The following PCM1 variants were observed in gnomAD, a reference collection of about 807,000 sequenced individuals.
PCM1 encodes pericentriolar material 1 protein.
PCM1 carries 157 observed loss-of-function variants against 241.9 expected under a neutral mutation model. That is an observed-to-expected ratio of 0.65 (90% confidence interval 0.57 to 0.74). The LOEUF (loss-of-function observed/expected upper bound fraction) is 0.74, where lower values mean the gene tolerates loss of function less well. Among genes scored for constraint, PCM1 ranks in the 30% least tolerant of loss-of-function variants. The pLI is 0.00. For missense variants in PCM1, 3,478 were observed against 2,360.1 expected (o/e 1.47, Z -9.81); for synonymous variants, 1,085 against 784.9 (o/e 1.38, Z -6.39).
intron 36 of PCM1, among the ~76,000 whole-genome samples, chr8:18,016,413 A>T (rs1448928884): frequency 7.3e-6 from 1 of 136,856 alleles, no homozygotes; most frequent in Non-Finnish European, 1.7e-5. Context: ...TTTCTGGAGA[A>T]ATGGTTACAC....
chr8:17,989,995 T>G lies in PCM1; in HGVS notation c.4531+16T>G, dbSNP rs182630616. ...GATGATCTAGGTAAGCAGAATTGTT[T>G]ATAATCTTAGAAACAACTTTAAGTT... On this transcript the variant is annotated intron_variant, in intron 27 of 38. Transcript: ENST00000325083. 142 of 1,508,220 alleles carry G rather than the reference T, an allele frequency of 9.4e-5. No homozygotes were observed. In the African/African-American group the frequency reaches 1.7e-3, roughly 18 times the overall value. 93.4% of individuals were successfully genotyped at this position (1,508,220 alleles called of 1,614,324 possible).
chr8:17,964,619 A>G lies in PCM1; in HGVS notation c.2706A>G (p.Gly902=), dbSNP rs368620277. 8.3e-5 allele frequency: 134 copies of G among 1,613,784 alleles called. No homozygotes were observed. Among genetic ancestry groups the G allele is most frequent in the Non-Finnish European group, 1.1e-4 (132 of 1,179,868 alleles). Residue 902 remains glycine, a synonymous_variant, in exon 18 of 39, where the codon GGA becomes GGG. Transcript: ENST00000325083. Reference sequence around the variant, plus strand: ...CCCAGTGTGCACTAGATGAAGAAGGAGATGAAGACGGTTACCTTTCTGAAG... The same window carrying G: ...CCCAGTGTGCACTAGATGAAGAAGGGGATGAAGACGGTTACCTTTCTGAAG... ...GSTQCALDEE[G]DEDGYLSEGI...
intron 29 of PCM1, among the ~76,000 whole-genome samples, chr8:18,000,504 G>A (rs2088914030): frequency 1.3e-5 from 2 of 152,100 alleles, no homozygotes. Context: ...TAGGAAATCA[G>A]TAGGTCCTAC....
At chr8:17,975,052 TCAC>T (rs1263832773) in intron 23 of PCM1, among the ~76,000 whole-genome samples, 1 of 152,202 alleles carries the variant, frequency 6.6e-6, no homozygotes, top group East Asian at 1.9e-4. Context: ...CTTTTGGGCC[TCAC>T]CTTATGCCAA....
chr8:18,029,732 C>A lies in PCM1; in HGVS notation c.*2070C>A, dbSNP rs182228119. ...AACTATTGCTGAAGGGTTAGGCATT[C>A]AGTATTCCTATTTGTCCTAATTTTG... On this transcript the variant is annotated 3_prime_UTR_variant, in exon 39 of 39. Transcript: ENST00000325083. The A allele has an allele frequency of 2.6e-5, 5 of 195,668 alleles. No individual in the cohort carries two copies. Among genetic ancestry groups the A allele is most frequent in the African/African-American group, 1.2e-4 (5 of 43,384 alleles). The allele number at this position is 195,668 out of a possible 1,614,324, so 12.1% of individuals were successfully genotyped here. A position where few individuals can be genotyped will look rare whatever the true frequency, so the allele number is the denominator to read the frequency against.
chr8:17,931,174 A>G (rs2058903585), intron 2 of PCM1, among the ~76,000 whole-genome samples: 1 of 152,218 alleles, frequency 6.6e-6, no homozygotes, highest in Admixed American at 6.5e-5. Context: ...TTAGAAACTT[A>G]TTTTAGTAGT....
At chr8:17,975,648 T>C (rs989255699) in intron 23 of PCM1, among the ~76,000 whole-genome samples, 2 of 152,152 alleles carry the variant, frequency 1.3e-5, no homozygotes, top group Non-Finnish European at 2.9e-5. Flanking sequence ...TTGAGAGATA[T>C]GGTACAGCCA....
At chr8:18,011,116 A>G in intron 32 of PCM1, 121 bp from the exon 33 acceptor site, 1 of 607,610 alleles carries the variant, frequency 1.6e-6, no homozygotes, top group Non-Finnish European at 2.5e-6. Flanking sequence ...AAACTAGACT[A>G]TCAAAAATGG....
intron 24 of PCM1, among the ~76,000 whole-genome samples, chr8:17,982,219 G>A (rs910851793): frequency 1.3e-5 from 2 of 152,024 alleles, no homozygotes; most frequent in African/African-American, 4.8e-5. Context: ...TCTGAACCCA[G>A]AATTTTACTA....
intron 7 of PCM1, among the ~76,000 whole-genome samples, chr8:17,950,336 C>T (rs2065554989): frequency 6.6e-6 from 1 of 152,172 alleles, no homozygotes; most frequent in African/African-American, 2.4e-5. Context: ...TCCACTGAGT[C>T]ACTACTATTA....
intron 36 of PCM1, 83 bp downstream of exon 36, chr8:18,014,923 T>G (rs2092978361): frequency 8.2e-7 from 1 of 1,213,942 alleles, no homozygotes; most frequent in Non-Finnish European, 1.1e-6. Flanking sequence ...ATTCTCCACA[T>G]GTAAACCATT....
Position 17,947,233 on chromosome 8 carries a change from G to A in PCM1, c.831G>A (p.Lys277=). 3.7e-6 allele frequency: 6 copies of A among 1,610,844 alleles called. No homozygotes were observed. Among genetic ancestry groups the A allele is most frequent in the Non-Finnish European group, 5.1e-6 (6 of 1,177,680 alleles). The part of the protein sequence containing the change: ...QEPMEEIENL[K]KQHDLLKRML... ...CTATGGAAGAGATAGAAAATTTGAA[G>A]AAACAACATGATTTATTAAAAAGAA... Residue 277 remains lysine, a synonymous_variant, in exon 7 of 39, where the codon AAG becomes AAA. Transcript: ENST00000325083.
At chr8:18,018,510 T>C (rs1588646223) in intron 36 of PCM1, among the ~76,000 whole-genome samples, 2 of 152,196 alleles carry the variant, frequency 1.3e-5, no homozygotes, top group South Asian at 4.1e-4. Flanking sequence ...CTTGTACTTG[T>C]CTCTATAATA....
Position 18,028,300 on chromosome 8 carries a change from C to G in PCM1, c.*638C>G, listed in dbSNP as rs1157969800. ...AGTTTAGAACATAGGTTCTCAGTATCTAGAACTTACATCATTATCATCTGT... is the reference window on the plus strand; with the variant it reads ...AGTTTAGAACATAGGTTCTCAGTATGTAGAACTTACATCATTATCATCTGT... On this transcript the variant is annotated 3_prime_UTR_variant, in exon 39 of 39. Transcript: ENST00000325083. 1 of 121,282 alleles carries G rather than the reference C, an allele frequency of 8.2e-6. No individual in the cohort carries two copies. Among genetic ancestry groups the G allele is most frequent in the East Asian group, 9.7e-5 (1 of 10,350 alleles). 7.5% of individuals were successfully genotyped at this position (121,282 alleles called of 1,614,324 possible).
intron 2 of PCM1, among the ~76,000 whole-genome samples, chr8:17,933,797 G>A (rs540449555): frequency 6.6e-6 from 1 of 151,814 alleles, no homozygotes; most frequent in African/African-American, 2.4e-5. Context: ...ATATTTGTCT[G>A]CTTGATAGAA....
intron 6 of PCM1, among the ~76,000 whole-genome samples, chr8:17,943,826 T>C (rs1051612768): frequency 9.2e-5 from 14 of 152,206 alleles, no homozygotes; most frequent in African/African-American, 2.9e-4. Flanking sequence ...TAGAATCTTT[T>C]CAAAATGTAG....
chr8:17,983,432 A>G (rs1324339456), intron 24 of PCM1: 5 of 327,788 alleles, frequency 1.5e-5, no homozygotes, highest in African/African-American at 8.8e-5. Context: ...GATAATTTAT[A>G]TTCATAAAAT....
At chr8:18,014,498 T>C (rs2092929039) in intron 35 of PCM1, 86 bp from the exon 36 acceptor site, 1 of 1,037,648 alleles carries the variant, frequency 9.6e-7, no homozygotes, top group Non-Finnish European at 1.3e-6. Flanking sequence ...ATTGCTCTTA[T>C]TCAGGCGTAT....
rs914443875 is a variant in PCM1, at chr8:18,029,392, T to A, written c.*1730T>A. ...ACTTCAGGGAAATTGGAACAATAAG[T>A]TATGTTACATGCACACTCAAATTCT... On this transcript the variant is annotated 3_prime_UTR_variant, in exon 39 of 39. Coordinates refer to ENST00000325083, the MANE Select transcript of PCM1 (RefSeq NM_006197.4). 1 of 214,248 alleles carries A rather than the reference T, an allele frequency of 4.7e-6. No individual in the cohort carries two copies. Among genetic ancestry groups the A allele is most frequent in the Non-Finnish European group, 9.3e-6 (1 of 107,870 alleles). The allele number at this position is 214,248 out of a possible 1,614,324, so 13.3% of individuals were successfully genotyped here. A position where few individuals can be genotyped will look rare whatever the true frequency, so the allele number is the denominator to read the frequency against.
Sources: allele counts gnomAD v4.1 joint callset (sites outside exome capture counted in the v4.1 genomes callset), GRCh38; gene constraint gnomAD v4.1.1; transcripts MANE v1.5; gene names NCBI Gene and HGNC (gene_info 2026-07-23, HGNC 2026-07-21).